CAMKMT: variants seen among roughly 807,000 people sequenced by gnomAD.
CAMKMT encodes CaM KMT.
CAMKMT carries 53 observed loss-of-function variants against 48.0 expected under a neutral mutation model. The observed-to-expected ratio is 1.10, with a 90% CI of 0.89 to 1.39. CAMKMT has a LOEUF of 1.39. CAMKMT is among the 40% of genes most tolerant of loss of function. The pLI, the probability that CAMKMT is intolerant of heterozygous loss-of-function variation, is 0.00. For synonymous variants in CAMKMT, 165 were observed against 152.3 expected (o/e 1.08, Z -0.61); for missense variants, 428 against 402.7 (o/e 1.06, Z -0.54).
intron 3 of CAMKMT, among the ~76,000 whole-genome samples, chr2:44,482,457 A>G (rs765980194): frequency 3.3e-5 from 5 of 152,108 alleles, no homozygotes; most frequent in Non-Finnish European, 7.4e-5. Flanking sequence ...GCTTATGGGG[A>G]AAAATAATTT....
chr2:44,663,108 A>C (rs1205240252), intron 3 of CAMKMT, among the ~76,000 whole-genome samples: 1 of 152,224 alleles, frequency 6.6e-6, no homozygotes, highest in Non-Finnish European at 1.5e-5. Context: ...CAGCCATGGT[A>C]TAATTATAAA....
chr2:44,763,590 A>G (rs1680706939), intron 9 of CAMKMT, among the ~76,000 whole-genome samples: 1 of 152,204 alleles, frequency 6.6e-6, no homozygotes, highest in Non-Finnish European at 1.5e-5. Context: ...ACAAGGATAC[A>G]ATGTGTGTCC....
intron 3 of CAMKMT, among the ~76,000 whole-genome samples, chr2:44,582,096 G>A (rs1669598286): frequency 6.6e-6 from 1 of 152,190 alleles, no homozygotes; most frequent in Non-Finnish European, 1.5e-5. Context: ...TATTTTCCTT[G>A]TACTTTAGGA....
At chr2:44,494,427 G>C (rs1222514025) in intron 3 of CAMKMT, among the ~76,000 whole-genome samples, 1 of 152,026 alleles carries the variant, frequency 6.6e-6, no homozygotes, top group Non-Finnish European at 1.5e-5. Flanking sequence ...TCTTCCCTCT[G>C]TTTACGTACA....
At chr2:44,682,802 T>A (rs1028026119) in intron 3 of CAMKMT, among the ~76,000 whole-genome samples, 1 of 152,218 alleles carries the variant, frequency 6.6e-6, no homozygotes, top group African/African-American at 2.4e-5. Flanking sequence ...AAATTGTATA[T>A]ATTACATGAT....
intron 7 of CAMKMT, chr2:44,723,653 T>TAAAA (rs1300332800): frequency 1.2e-4 from 16 of 139,124 alleles, no homozygotes; most frequent in African/African-American, 4.4e-4. Context: ...AATAAATAAA[T>TAAAA]AAAATAATAA....
At chr2:44,713,899 CA>C (rs1678024189) in intron 6 of CAMKMT, among the ~76,000 whole-genome samples, 1 of 152,134 alleles carries the variant, frequency 6.6e-6, no homozygotes, top group South Asian at 2.1e-4. Context: ...TTTTTCTGAG[CA>C]ATAGGAGAAC....
At chr2:44,372,603 C>T (rs1679289901) in intron 1 of CAMKMT, 113 bp from the exon 2 acceptor site, 1 of 768,976 alleles carries the variant, frequency 1.3e-6, no homozygotes, top group Admixed American at 2.9e-5. Context: ...ATTATCTAAT[C>T]TGTCATTATT....
At chr2:44,769,142 A>AG (rs1225459153) in intron 10 of CAMKMT, among the ~76,000 whole-genome samples, 1 of 152,062 alleles carries the variant, frequency 6.6e-6, no homozygotes, top group African/African-American at 2.4e-5. Flanking sequence ...AAAAAAAAAA[A>AG]ATCTACAGAT....
At chr2:44,406,132 C>G (rs1682761016) in intron 3 of CAMKMT, among the ~76,000 whole-genome samples, 1 of 152,154 alleles carries the variant, frequency 6.6e-6, no homozygotes, top group Admixed American at 6.5e-5. Flanking sequence ...TGGAAAGATA[C>G]TAAGCAGGTA....
Position 44,375,563 on chromosome 2 carries a change from G to C in CAMKMT, c.311+2675G>C, listed in dbSNP as rs566737661. Among the ~76,000 whole-genome samples the C allele has an allele frequency of 4.6e-5, 7 of 152,234 alleles. No homozygotes were observed. The South Asian group carries it at 1.5e-3, about 32-fold the overall frequency. ...ACACTTAATAGAAGTTTAGAGGTAG[G>C]AGTGAGTTTTGGAAATGATTTTTAA... On this transcript the variant is annotated intron_variant, in intron 2 of 10. Coordinates refer to ENST00000378494, the MANE Select transcript of CAMKMT (RefSeq NM_024766.5).
chr2:44,625,378 C>CTA (rs1253484042), intron 3 of CAMKMT, among the ~76,000 whole-genome samples: 4 of 151,968 alleles, frequency 2.6e-5, no homozygotes, highest in African/African-American at 4.8e-5. Flanking sequence ...TGTATATAAC[C>CTA]TATACAAATA....
chr2:44,567,570 G>C (rs1301213571), intron 3 of CAMKMT, among the ~76,000 whole-genome samples: 1 of 152,192 alleles, frequency 6.6e-6, no homozygotes, highest in Non-Finnish European at 1.5e-5. Context: ...GATGAAAGTA[G>C]GGTCCCATTT....
At chr2:44,611,324 TCGGG>T (rs2103896591) in intron 3 of CAMKMT, among the ~76,000 whole-genome samples, 1 of 151,820 alleles carries the variant, frequency 6.6e-6, no homozygotes, top group South Asian at 2.1e-4. Flanking sequence ...TCCCAGCTAC[TCGGG>T]AGGGTGAGGC....
intron 3 of CAMKMT, among the ~76,000 whole-genome samples, chr2:44,649,536 C>T (rs1257913679): frequency 6.6e-6 from 1 of 152,018 alleles, no homozygotes; most frequent in African/African-American, 2.4e-5. Context: ...TGAACTGGAG[C>T]TTGAAGGGAA....
intron 3 of CAMKMT, among the ~76,000 whole-genome samples, chr2:44,446,942 C>A (rs142246607): frequency 1.3e-3 from 201 of 152,282 alleles, no homozygotes; most frequent in African/African-American, 4.7e-3. Context: ...TCCTTTTCCA[C>A]GTTAGCATTT....
intron 3 of CAMKMT, among the ~76,000 whole-genome samples, chr2:44,572,181 C>T (rs1668942645): frequency 6.6e-6 from 1 of 152,120 alleles, no homozygotes; most frequent in Non-Finnish European, 1.5e-5. Context: ...AGCCACCATT[C>T]TACTTTTGTC....
intron 3 of CAMKMT, among the ~76,000 whole-genome samples, chr2:44,602,625 A>G (rs1253201849): frequency 1.3e-5 from 2 of 152,094 alleles, no homozygotes; most frequent in Non-Finnish European, 2.9e-5. Context: ...GGGAGGCTTC[A>G]GGAAACTTAC....
At chr2:44,563,352 C>G (rs1668430156) in intron 3 of CAMKMT, among the ~76,000 whole-genome samples, 2 of 151,608 alleles carry the variant, frequency 1.3e-5, no homozygotes, top group South Asian at 2.1e-4. Context: ...TTTTCTTCTA[C>G]AATATTATTT....
Sources: allele counts gnomAD v4.1 joint callset (sites outside exome capture counted in the v4.1 genomes callset), GRCh38; gene constraint gnomAD v4.1.1; transcripts MANE v1.5; gene names NCBI Gene and HGNC (gene_info 2026-07-23, HGNC 2026-07-21).